Variants in LHFPL3 observed in about 807,000 individuals in gnomAD.
LHFPL3 encodes LHFPL tetraspan subfamily member 3.
In LHFPL3, 5 loss-of-function variants were observed where a neutral mutation model predicts 19.3. The ratio of observed to expected loss-of-function variants is 0.26; its 90% CI spans 0.14 to 0.54. The LOEUF (loss-of-function observed/expected upper bound fraction) is 0.54, where lower values mean the gene tolerates loss of function less well. Ranked by LOEUF, LHFPL3 falls within the 20% of genes least tolerant of loss-of-function variation. The pLI, the probability that LHFPL3 is intolerant of heterozygous loss-of-function variation, is 0.94. For missense variants in LHFPL3, 249 were observed against 307.4 expected (o/e 0.81, Z 1.42); for synonymous variants, 133 against 126.2 (o/e 1.05, Z -0.36).
intron 1 of LHFPL3, among the ~76,000 whole-genome samples, chr7:104,451,174 G>A (rs1179178711): frequency 6.6e-6 from 1 of 152,168 alleles, no homozygotes; most frequent in African/African-American, 2.4e-5. Flanking sequence ...TAATAGGCAT[G>A]CAATGGCTAA....
chr7:104,689,071 G>A (rs917778134), intron 1 of LHFPL3, among the ~76,000 whole-genome samples: 22 of 152,216 alleles, frequency 1.4e-4, no homozygotes, highest in African/African-American at 4.6e-4. Flanking sequence ...GGGTCCAGAA[G>A]ATATACCCTT....
intron 1 of LHFPL3, among the ~76,000 whole-genome samples, chr7:104,567,776 C>T (rs922979750): frequency 6.6e-6 from 1 of 152,140 alleles, no homozygotes; most frequent in Non-Finnish European, 1.5e-5. Flanking sequence ...TTGATCCTTG[C>T]CTCCTTCAGT....
chr7:104,412,473 A>T (rs1414628359), intron 1 of LHFPL3, among the ~76,000 whole-genome samples: 1 of 152,100 alleles, frequency 6.6e-6, no homozygotes, highest in Non-Finnish European at 1.5e-5. Context: ...TGCCTAGACA[A>T]CACAAAGCAC....
At chr7:104,866,667 T>C (rs1335327149) in intron 2 of LHFPL3, among the ~76,000 whole-genome samples, 3 of 152,114 alleles carry the variant, frequency 2.0e-5, no homozygotes, top group Non-Finnish European at 4.4e-5. Flanking sequence ...GACAGATCAA[T>C]GAGACAGAAA....
chr7:104,611,699 A>T (rs1168971829), intron 1 of LHFPL3, among the ~76,000 whole-genome samples: 3 of 152,196 alleles, frequency 2.0e-5, no homozygotes, highest in Admixed American at 2.0e-4. Flanking sequence ...GAAACATAAA[A>T]ATAAGACAAT....
chr7:104,578,309 C>A (rs1790383625), intron 1 of LHFPL3, among the ~76,000 whole-genome samples: 2 of 152,172 alleles, frequency 1.3e-5, no homozygotes, highest in Admixed American at 1.3e-4. Flanking sequence ...TAATCCTTAT[C>A]ATTTTCCATC....
chr7:104,538,261 C>T (rs1337334094), intron 1 of LHFPL3, among the ~76,000 whole-genome samples: 2 of 152,138 alleles, frequency 1.3e-5, no homozygotes, highest in African/African-American at 4.8e-5. Flanking sequence ...GAAATGTGTC[C>T]TTAGATTAAA....
At chr7:104,563,778 A>G (rs1409457372) in intron 1 of LHFPL3, among the ~76,000 whole-genome samples, 2 of 152,114 alleles carry the variant, frequency 1.3e-5, no homozygotes, top group African/African-American at 4.8e-5. Context: ...TTGATCTTAC[A>G]CTTCTCAGAC....
At chr7:104,544,712 A>AT (rs1036263480) in intron 1 of LHFPL3, among the ~76,000 whole-genome samples, 3 of 152,146 alleles carry the variant, frequency 2.0e-5, no homozygotes, top group Admixed American at 1.3e-4. Context: ...TGCAAAGATG[A>AT]TTTTTTTAAG....
intron 1 of LHFPL3, among the ~76,000 whole-genome samples, chr7:104,632,156 T>A (rs1791655708): frequency 6.6e-6 from 1 of 152,196 alleles, no homozygotes; most frequent in East Asian, 1.9e-4. Context: ...ATATTTAGCC[T>A]ATCCTTTAAA....
At chr7:104,655,244 G>C (rs752779055) in intron 1 of LHFPL3, among the ~76,000 whole-genome samples, 1 of 152,104 alleles carries the variant, frequency 6.6e-6, no homozygotes, top group Non-Finnish European at 1.5e-5. Context: ...CTTGGCCAAG[G>C]GTTCTACATA....
chr7:104,361,834 AATCT>A (rs1431610097), intron 1 of LHFPL3, among the ~76,000 whole-genome samples: 1 of 152,230 alleles, frequency 6.6e-6, no homozygotes, highest in African/African-American at 2.4e-5. Context: ...AAGATATACA[AATCT>A]ATCCGGATTA....
At chr7:104,465,442 G>A (rs1247180660) in intron 1 of LHFPL3, among the ~76,000 whole-genome samples, 1 of 152,128 alleles carries the variant, frequency 6.6e-6, no homozygotes, top group African/African-American at 2.4e-5. Flanking sequence ...TGAATTTACT[G>A]TATTAGTCTG....
intron 1 of LHFPL3, among the ~76,000 whole-genome samples, chr7:104,693,112 C>T (rs1340286546): frequency 1.3e-5 from 2 of 152,210 alleles, no homozygotes; most frequent in Non-Finnish European, 2.9e-5. Context: ...GGCTGTCCCA[C>T]TGGATTTTTG....
intron 2 of LHFPL3, among the ~76,000 whole-genome samples, chr7:104,851,753 T>C (rs971491875): frequency 6.6e-6 from 1 of 152,046 alleles, no homozygotes; most frequent in African/African-American, 2.4e-5. Context: ...AGAGTCACAT[T>C]TTCAAGAATT....
chr7:104,639,398 T>A (rs1791788791), intron 1 of LHFPL3, among the ~76,000 whole-genome samples: 1 of 152,218 alleles, frequency 6.6e-6, no homozygotes, highest in Non-Finnish European at 1.5e-5. Context: ...TTGTTATTTG[T>A]ATTTCTGTGG....
chr7:104,454,005 A>G (rs1043505635), intron 1 of LHFPL3, among the ~76,000 whole-genome samples: 10 of 152,148 alleles, frequency 6.6e-5, no homozygotes, highest in Non-Finnish European at 1.2e-4. Flanking sequence ...CCGGGCTCAG[A>G]TATTTCTTTA....
At position 104,328,702 on chromosome 7, in the gene LHFPL3, G is replaced by C; in HGVS notation, c.-78G>C. Reference sequence around the variant, plus strand: ...GGAGTTGCAGCGCGCGAGGCTCCGTGAGTGTGTCTCCTGCGCGCTGAGAGG... The same window carrying C: ...GGAGTTGCAGCGCGCGAGGCTCCGTCAGTGTGTCTCCTGCGCGCTGAGAGG... On this transcript the variant is annotated 5_prime_UTR_variant, in exon 1 of 3. Transcript: ENST00000424859. The surrounding 1 kb of genome is among the most constrained non-coding windows in gnomAD (Gnocchi z 4.6). 10 of 1,305,886 alleles carry C rather than the reference G, an allele frequency of 7.7e-6. No homozygotes were observed. Among genetic ancestry groups the C allele is most frequent in the Non-Finnish European group, 9.5e-6 (9 of 944,514 alleles). The allele number at this position is 1,305,886 out of a possible 1,614,324, so 80.9% of individuals were successfully genotyped here.
chr7:104,622,268 C>A (rs1458406171), intron 1 of LHFPL3, among the ~76,000 whole-genome samples: 1 of 152,142 alleles, frequency 6.6e-6, no homozygotes, highest in African/African-American at 2.4e-5. Context: ...GGCCACCACA[C>A]TCAGCTCATT....
Sources: allele counts gnomAD v4.1 joint callset (sites outside exome capture counted in the v4.1 genomes callset), GRCh38; gene constraint gnomAD v4.1.1; non-coding constraint Gnocchi (gnomAD v3.1); transcripts MANE v1.5; gene names NCBI Gene and HGNC (gene_info 2026-07-23, HGNC 2026-07-21).